The following CRTAC1 variants were observed in gnomAD, a reference collection of about 807,000 sequenced individuals.
CRTAC1 encodes the protein cartilage acidic protein 1, also known as acidic secreted protein in cartilage.
CRTAC1 carries 37 observed loss-of-function variants against 67.8 expected under a neutral mutation model. The observed-to-expected ratio is 0.55, with a 90% CI of 0.42 to 0.72. The LOEUF is 0.72. CRTAC1 is among the 30% of genes least tolerant of loss of function. The pLI is 0.00. For missense variants in CRTAC1, 780 were observed against 931.6 expected (o/e 0.84, Z 2.12); for synonymous variants, 348 against 371.0 (o/e 0.94, Z 0.71).
At chr10:97,932,227 A>G (rs1434505625) in intron 3 of CRTAC1, among the ~76,000 whole-genome samples, 8 of 152,082 alleles carry the variant, frequency 5.3e-5, no homozygotes, top group African/African-American at 1.9e-4. Context: ...TGCCCACGAC[A>G]CTTTGAGAGG....
Position 97,890,882 on chromosome 10 carries a change from G to A in CRTAC1, c.1486+4363C>T, listed in dbSNP as rs1281180744. On this transcript the variant is annotated intron_variant, in intron 11 of 14. Transcript: ENST00000370597. ...GGGTTTCTCCATGTTGGTCAGGCTGGTCTCAAACTCCTGACCTCAGGTGAT... is the reference window on the plus strand; with the variant it reads ...GGGTTTCTCCATGTTGGTCAGGCTGATCTCAAACTCCTGACCTCAGGTGAT... Among the ~76,000 whole-genome samples, 4 of 152,124 alleles carry A rather than the reference G, an allele frequency of 2.6e-5. No homozygotes were observed. The East Asian group carries it at 7.7e-4, about 29-fold the overall frequency.
chr10:97,880,429 G>T, intron 13 of CRTAC1, 37 bp from the exon 14 acceptor site: 1 of 1,602,144 alleles, frequency 6.2e-7, no homozygotes, highest in South Asian at 1.1e-5. Flanking sequence ...ATGAAGGTGT[G>T]GGGCAGCAAG....
intron 2 of CRTAC1, among the ~76,000 whole-genome samples, chr10:97,989,847 A>G (rs1033892553): frequency 6.6e-6 from 1 of 152,228 alleles, no homozygotes; most frequent in Non-Finnish European, 1.5e-5. Flanking sequence ...TTGTGTAACC[A>G]CAGATTGCGT....
At chr10:97,950,134 C>A (rs2051327492) in intron 2 of CRTAC1, among the ~76,000 whole-genome samples, 1 of 152,022 alleles carries the variant, frequency 6.6e-6, no homozygotes, top group African/African-American at 2.4e-5. Context: ...ATTCAGTTTC[C>A]TCATCTATAA....
rs2050563545 is a variant in CRTAC1 at position 97,903,064 on chromosome 10, T to C, written c.997-1425A>G. Among the ~76,000 whole-genome samples the C allele has an allele frequency of 2.0e-5, 3 of 151,916 alleles. No individual in the cohort carries two copies. The South Asian group carries it at 6.3e-4, about 32-fold the overall frequency. Reference sequence around the variant, plus strand: ...ATAATGTATGTTAAGCTTAGCACAGTTCGTGACACATGGAAGGCACTTGAT... The same window carrying C: ...ATAATGTATGTTAAGCTTAGCACAGCTCGTGACACATGGAAGGCACTTGAT... On this transcript the variant is annotated intron_variant, in intron 7 of 14. Coordinates refer to ENST00000370597, the MANE Select transcript of CRTAC1 (RefSeq NM_018058.7).
Position 97,877,718 on chromosome 10 carries a change from T to TA in CRTAC1, c.1819+2530dup, listed in dbSNP as rs145249421. Reference sequence around the variant, plus strand: ...GGTGCTCTTATCAGCTGTGGGAACTTAGAACTCCTCTTTGCAACTCACTGG... The same window carrying TA: ...GGTGCTCTTATCAGCTGTGGGAACTTAAGAACTCCTCTTTGCAACTCACTGG... On this transcript the variant is annotated intron_variant, in intron 14 of 14. Coordinates refer to ENST00000370597, the MANE Select transcript of CRTAC1 (RefSeq NM_018058.7). 6.7e-3 allele frequency among the ~76,000 whole-genome samples: 1,014 copies of TA among 152,298 alleles called. 11 individuals carry two copies. Among genetic ancestry groups the TA allele is most frequent in the African/African-American group, 0.023 (958 of 41,576 alleles).
chr10:97,954,923 G>T (rs1176320782), intron 2 of CRTAC1, among the ~76,000 whole-genome samples: 1 of 152,104 alleles, frequency 6.6e-6, no homozygotes, highest in Non-Finnish European at 1.5e-5. Flanking sequence ...CATGTCTTTT[G>T]CCATACAAGG....
At chr10:97,879,184 G>A (rs1028890781) in intron 14 of CRTAC1, among the ~76,000 whole-genome samples, 1 of 152,064 alleles carries the variant, frequency 6.6e-6, no homozygotes, top group East Asian at 1.9e-4. Context: ...TTTTTATCAA[G>A]AGTCCCAAAG....
At position 97,903,751 on chromosome 10, in the gene CRTAC1, G is replaced by C. The variant is rs574273675; in HGVS notation, c.996+918C>G. Among the ~76,000 whole-genome samples, 36 of 152,234 alleles carry C rather than the reference G, an allele frequency of 2.4e-4. No individual in the cohort carries two copies. The South Asian group carries it at 3.3e-3, about 14-fold the overall frequency. On this transcript the variant is annotated intron_variant, in intron 7 of 14. Coordinates refer to ENST00000370597, the MANE Select transcript of CRTAC1 (RefSeq NM_018058.7). ...GCCCTCTGTTGCCCTCCCTGAGAAA[G>C]TTCCAAACCCATGCCCCTCATGCTG...
At chr10:97,967,097 A>G (rs967252523) in intron 2 of CRTAC1, among the ~76,000 whole-genome samples, 1 of 151,638 alleles carries the variant, frequency 6.6e-6, no homozygotes, top group Non-Finnish European at 1.5e-5. Context: ...TGGTGTATCG[A>G]CATCAATTAT....
intron 14 of CRTAC1, chr10:97,879,904 G>A: frequency 9.1e-7 from 1 of 1,104,872 alleles, no homozygotes; most frequent in Non-Finnish European, 1.3e-6. Flanking sequence ...GAAATTACCA[G>A]TTTAGAAATT....
intron 3 of CRTAC1, among the ~76,000 whole-genome samples, chr10:97,927,565 G>C (rs558312913): frequency 6.6e-6 from 1 of 152,202 alleles, no homozygotes; most frequent in African/African-American, 2.4e-5. Flanking sequence ...GTGTTAGGGC[G>C]CCTGTGCTGT....
intron 2 of CRTAC1, among the ~76,000 whole-genome samples, chr10:97,953,456 G>T (rs115693257): frequency 0.013 from 1,974 of 152,228 alleles, 44 homozygotes; most frequent in African/African-American, 0.045. Context: ...TCGATAAATG[G>T]CCAGGAGGCC....
chr10:97,915,058 T>C (rs142345928), intron 5 of CRTAC1, among the ~76,000 whole-genome samples: 2 of 152,166 alleles, frequency 1.3e-5, no homozygotes, highest in African/African-American at 2.4e-5. Context: ...TAGCCTGCCC[T>C]GGGGTGGCTG....
chr10:97,926,272 C>T (rs532096292), intron 3 of CRTAC1, among the ~76,000 whole-genome samples: 11 of 152,312 alleles, frequency 7.2e-5, no homozygotes, highest in African/African-American at 1.4e-4. Context: ...CCGACCCAGT[C>T]GGCCGGAGTC....
intron 2 of CRTAC1, among the ~76,000 whole-genome samples, chr10:97,960,576 G>T (rs966033594): frequency 3.4e-4 from 51 of 152,194 alleles, no homozygotes; most frequent in African/African-American, 1.2e-3. Context: ...GTCTTGGTTT[G>T]CCTTTTACAA....
intron 2 of CRTAC1, among the ~76,000 whole-genome samples, chr10:97,977,170 C>A (rs768066070): frequency 5.3e-5 from 8 of 152,158 alleles, no homozygotes; most frequent in Non-Finnish European, 1.2e-4. Context: ...CCAGGTGGGC[C>A]CCTGACAGAT....
At chr10:97,974,267 C>G (rs1438855071) in intron 2 of CRTAC1, among the ~76,000 whole-genome samples, 1 of 152,162 alleles carries the variant, frequency 6.6e-6, no homozygotes, top group East Asian at 1.9e-4. Context: ...GTAGGGAGGA[C>G]TGGGTACAGC....
At chr10:97,891,230 T>C (rs2050367561) in intron 11 of CRTAC1, among the ~76,000 whole-genome samples, 1 of 152,250 alleles carries the variant, frequency 6.6e-6, no homozygotes, top group Non-Finnish European at 1.5e-5. Flanking sequence ...GAGTAATTTT[T>C]CTTCTTTTAA....
Sources: allele counts gnomAD v4.1 joint callset (sites outside exome capture counted in the v4.1 genomes callset), GRCh38; gene constraint gnomAD v4.1.1; transcripts MANE v1.5; gene names NCBI Gene and HGNC (gene_info 2026-07-23, HGNC 2026-07-21).